The following ADCY9 variants were observed in gnomAD, a reference collection of about 807,000 sequenced individuals.
The protein encoded by ADCY9 is adenylate cyclase 9.
In ADCY9, 50 loss-of-function variants were observed where a neutral mutation model predicts 101.5. The ratio of observed to expected loss-of-function variants is 0.49; its 90% CI spans 0.39 to 0.62. ADCY9 has a LOEUF of 0.62. Among genes scored for constraint, ADCY9 ranks in the 20% least tolerant of loss-of-function variants. ADCY9 has a pLI of 0.00. For synonymous variants in ADCY9, 905 were observed against 769.3 expected, an observed-to-expected ratio of 1.18 and a Z score of -2.92; for missense variants, 1,662 against 1,800.4, an observed-to-expected ratio of 0.92 and a Z score of 1.39.
intron 2 of ADCY9, among the ~76,000 whole-genome samples, chr16:4,055,200 C>T (rs555011437): frequency 2.6e-4 from 39 of 152,154 alleles, no homozygotes; most frequent in Non-Finnish European, 4.7e-4. Flanking sequence ...AGGAAGCCAG[C>T]TCTATTCAGC....
At chr16:3,983,555 A>G in intron 6 of ADCY9, 115 bp from the exon 7 acceptor site, 1 of 852,940 alleles carries the variant, frequency 1.2e-6, no homozygotes, top group Non-Finnish European at 1.9e-6. Context: ...GGCCAGGCAC[A>G]GGGCAGGAAG....
At chr16:4,073,040 A>G (rs1198715210) in intron 2 of ADCY9, among the ~76,000 whole-genome samples, 1 of 149,652 alleles carries the variant, frequency 6.7e-6, no homozygotes, top group Non-Finnish European at 1.5e-5. Context: ...AAAAGAAAAA[A>G]CCGACTCTTA....
At chr16:4,060,818 T>C (rs995664699) in intron 2 of ADCY9, among the ~76,000 whole-genome samples, 3 of 151,954 alleles carry the variant, frequency 2.0e-5, no homozygotes, top group Admixed American at 6.6e-5. Context: ...ATATAAGACA[T>C]GCAAAGAAAC....
rs367990794 is a variant in ADCY9 at position 3,966,651 on chromosome 16, G to A, written c.3186C>T (p.Ala1062=). ...AGAACTCGCTGAAGTTGACGATGCT[G>A]GCGAAGATCACCCCTCCGCTGTCAT... ...KNHDSGGVIF[A]SIVNFSEFYE... The change falls in exon 11 of 11, where the codon GCC becomes GCT. Residue 1062 remains alanine (A), a synonymous_variant. Coordinates refer to ENST00000294016, the MANE Select transcript of ADCY9 (RefSeq NM_001116.4). 1.2e-6 allele frequency: 2 copies of A among 1,614,040 alleles called. No homozygotes were observed. The highest frequency in any genetic ancestry group is 1.7e-6 in the Non-Finnish European group (2 of 1,180,042).
intron 2 of ADCY9, among the ~76,000 whole-genome samples, chr16:4,020,528 C>T (rs942319540): frequency 3.9e-5 from 6 of 151,990 alleles, no homozygotes; most frequent in Admixed American, 3.9e-4. Context: ...TAGCCAATTA[C>T]AAAGTGGAAT....
chr16:4,073,453 T>C (rs2056847677), intron 2 of ADCY9, among the ~76,000 whole-genome samples: 2 of 151,336 alleles, frequency 1.3e-5, no homozygotes, highest in South Asian at 4.2e-4. Flanking sequence ...TGGAATGCAA[T>C]GGCGCGATCT....
intron 5 of ADCY9, among the ~76,000 whole-genome samples, chr16:3,954,880 G>C (rs1323913963): frequency 6.6e-6 from 1 of 152,182 alleles, no homozygotes; most frequent in African/African-American, 2.4e-5. Flanking sequence ...ACTATCCCGA[G>C]GTAGAGGCTG....
At chr16:4,007,068 C>T (rs2056371628) in intron 3 of ADCY9, among the ~76,000 whole-genome samples, 2 of 152,254 alleles carry the variant, frequency 1.3e-5, no homozygotes, top group South Asian at 4.1e-4. Context: ...TTATCACCAG[C>T]TTCTAGAAAT....
chr16:3,991,563 C>A (rs532526695), intron 5 of ADCY9, among the ~76,000 whole-genome samples: 1 of 152,140 alleles, frequency 6.6e-6, no homozygotes, highest in Non-Finnish European at 1.5e-5. Context: ...GAGTTCGAGA[C>A]CCGCCTGGCC....
chr16:4,094,907 G>C (rs2056993670), intron 2 of ADCY9, among the ~76,000 whole-genome samples: 1 of 151,856 alleles, frequency 6.6e-6, no homozygotes, highest in Non-Finnish European at 1.5e-5. Flanking sequence ...GATTTTAAGA[G>C]GGAAATTATG....
At chr16:4,057,445 C>T (rs545923329) in intron 2 of ADCY9, among the ~76,000 whole-genome samples, 6 of 152,282 alleles carry the variant, frequency 3.9e-5, no homozygotes, top group South Asian at 2.1e-4. Flanking sequence ...AAAGAAACTC[C>T]GCACCCGGCT....
At chr16:4,038,647 T>C (rs1393710209) in intron 2 of ADCY9, among the ~76,000 whole-genome samples, 3 of 152,182 alleles carry the variant, frequency 2.0e-5, no homozygotes, top group Non-Finnish European at 4.4e-5. Flanking sequence ...ATGGTTTCAG[T>C]TGAGAAAAGA....
chr16:4,048,378 G>A (rs995859824), intron 2 of ADCY9, among the ~76,000 whole-genome samples: 3 of 152,134 alleles, frequency 2.0e-5, no homozygotes, highest in Non-Finnish European at 4.4e-5. Context: ...TACACTTACT[G>A]TGAAACACAA....
chr16:4,086,120 G>A (rs560133564), intron 2 of ADCY9, among the ~76,000 whole-genome samples: 47 of 152,064 alleles, frequency 3.1e-4, no homozygotes, highest in African/African-American at 1.1e-3. Context: ...CTTGGGGGTG[G>A]GGAAGGTGGC....
At chr16:4,110,856 C>T (rs755675200) in intron 2 of ADCY9, among the ~76,000 whole-genome samples, 6 of 152,162 alleles carry the variant, frequency 3.9e-5, no homozygotes, top group Non-Finnish European at 7.3e-5. Flanking sequence ...CACTGGTGGG[C>T]GTGCCTTGCA....
rs578260761 is a variant in ADCY9, at chr16:4,014,939, C to CTTTTTTT, written c.1694-7388_1694-7382dup. On this transcript the variant is annotated intron_variant, in intron 2 of 10. Transcript: ENST00000294016. ...AGTGACCACATTCCCCTGTTTTGGCCTTTTTTTTTTTTTTTTTTTTGAGAC... is the reference window on the plus strand; with the variant it reads ...AGTGACCACATTCCCCTGTTTTGGCCTTTTTTTTTTTTTTTTTTTTTTTTTTTGAGAC... Among the ~76,000 whole-genome samples, 212 of 93,216 alleles carry CTTTTTTT rather than the reference C, an allele frequency of 2.3e-3. 9 individuals are homozygous for CTTTTTTT. Among genetic ancestry groups the CTTTTTTT allele is most frequent in the Admixed American group, 3.8e-3 (23 of 6,072 alleles). 61.2% of individuals were successfully genotyped at this position (93,216 alleles called of 152,430 possible).
At chr16:4,078,464 G>A (rs868370113) in intron 2 of ADCY9, among the ~76,000 whole-genome samples, 1 of 151,692 alleles carries the variant, frequency 6.6e-6, no homozygotes, top group African/African-American at 2.4e-5. Context: ...TTGGGAGGCT[G>A]AGGTGGGAAG....
chr16:4,019,228 G>A (rs1024490621), intron 2 of ADCY9, among the ~76,000 whole-genome samples: 5 of 151,788 alleles, frequency 3.3e-5, no homozygotes, highest in Admixed American at 6.6e-5. Flanking sequence ...GTGATCCTCC[G>A]GCCTCAGCCT....
At chr16:4,097,555 T>TATATATATA (rs1567147091) in intron 2 of ADCY9, among the ~76,000 whole-genome samples, 5 of 55,050 alleles carry the variant, frequency 9.1e-5, no homozygotes, top group African/African-American at 5.8e-4. Flanking sequence ...ATATATATAT[T>TATATATATA]TTTTTTTTTT....
Sources: allele counts gnomAD v4.1 joint callset (sites outside exome capture counted in the v4.1 genomes callset), GRCh38; gene constraint gnomAD v4.1.1; transcripts MANE v1.5; gene names NCBI Gene and HGNC (gene_info 2026-07-23, HGNC 2026-07-21).